Variants in SRSF3 observed in about 807,000 individuals in gnomAD.
The protein encoded by SRSF3 is serine/arginine-rich splicing factor 3.
For synonymous variants in SRSF3, 87 were observed against 73.6 expected, an observed-to-expected ratio of 1.18 and a Z score of -0.93; for missense variants, 58 against 217.1, an observed-to-expected ratio of 0.27 and a Z score of 4.61.
At chr6:36,599,813 C>T (rs766028663) in intron 3 of SRSF3, 4 of 1,351,452 alleles carry the variant, frequency 3.0e-6, no homozygotes, top group South Asian at 1.1e-5. Context: ...AAATGAACCC[C>T]GTTACAGAGT....
rs1171369861 is a variant in SRSF3, at chr6:36,602,534, T to C, written c.*545T>C. The C allele has an allele frequency of 4.6e-6, 1 of 218,984 alleles. No individual in the cohort carries two copies. The highest frequency in any genetic ancestry group is 9.2e-6 in the Non-Finnish European group (1 of 109,258). The allele number at this position is 218,984 out of a possible 1,614,324, so 13.6% of individuals were successfully genotyped here. A position where few individuals can be genotyped will look rare whatever the true frequency, so the allele number is the denominator to read the frequency against. On this transcript the variant is annotated 3_prime_UTR_variant, in exon 6 of 6. Coordinates refer to ENST00000373715, the MANE Select transcript of SRSF3 (RefSeq NM_003017.5). ...AGGTTGCCTAGTTGGTATAGAATGT[T>C]AAGTTTCAAGAAAGTTTACCTTTGC...
Position 36,602,813 on chromosome 6 carries a change from C to CA in SRSF3, c.*827dup, listed in dbSNP as rs1318078251. On this transcript the variant is annotated 3_prime_UTR_variant, in exon 6 of 6. Transcript: ENST00000373715. The stretch of plus-strand genomic sequence containing the variant: ...GAAAGCCTGTTTTTCCTTGCAAACT[C>CA]AAATCTGTGAGCTTGGTACCAAGTC... 1 of 208,522 alleles carries CA rather than the reference C, an allele frequency of 4.8e-6. No individual in the cohort carries two copies. The highest frequency in any genetic ancestry group is 2.3e-5 in the African/African-American group (1 of 43,972). 12.9% of individuals were successfully genotyped at this position (208,522 alleles called of 1,614,324 possible). A position where few individuals can be genotyped will look rare whatever the true frequency, so the allele number is the denominator to read the frequency against.
chr6:36,597,803 C>CTT (rs377627108), intron 2 of SRSF3, among the ~76,000 whole-genome samples: 3,302 of 131,210 alleles, frequency 0.025, 71 homozygotes, highest in African/African-American at 0.071. Context: ...GAATAATGGT[C>CTT]TTTTTTTTTT....
At position 36,603,894 on chromosome 6, in the gene SRSF3, A is replaced by C; in HGVS notation, c.*1905A>C. 1 of 230,768 alleles carries C rather than the reference A, an allele frequency of 4.3e-6. No homozygotes were observed. Among genetic ancestry groups the C allele is most frequent in the East Asian group, 6.2e-5 (1 of 16,182 alleles). 14.3% of individuals were successfully genotyped at this position (230,768 alleles called of 1,614,324 possible). ...CTTAAGTTGGAAGGGTTTCTGTAAA[A>C]AGGACAGTTACGGGTATAATATGGC... is the stretch of plus-strand genomic sequence containing the variant. On this transcript the variant is annotated 3_prime_UTR_variant, in exon 6 of 6. Coordinates refer to ENST00000373715, the MANE Select transcript of SRSF3 (RefSeq NM_003017.5).
rs1778754745 is a variant in SRSF3 at position 36,603,561 on chromosome 6, C to A, written c.*1572C>A. On this transcript the variant is annotated 3_prime_UTR_variant, in exon 6 of 6. Coordinates refer to ENST00000373715, the MANE Select transcript of SRSF3 (RefSeq NM_003017.5). ...TAAATGGATACATTAAGATACAGTT[C>A]CTAAACAAATTATTTATTTCCACCT... The A allele has an allele frequency of 4.4e-6, 1 of 227,914 alleles. No homozygotes were observed. Among genetic ancestry groups the A allele is most frequent in the Non-Finnish European group, 8.7e-6 (1 of 114,570 alleles). The allele number at this position is 227,914 out of a possible 1,614,324, so 14.1% of individuals were successfully genotyped here.
chr6:36,605,137 A>G lies in SRSF3; in HGVS notation c.*3148A>G, dbSNP rs1050311126. On this transcript the variant is annotated 3_prime_UTR_variant, in exon 6 of 6. Transcript: ENST00000373715. ...TCATCCTGTTTTATTAGGGGGATTC[A>G]TCGGGTACCTGAAGATAATTCAGCT... The G allele has an allele frequency of 6.6e-6, 1 of 152,198 alleles. No homozygotes were observed. Among genetic ancestry groups the G allele is most frequent in the Non-Finnish European group, 1.5e-5 (1 of 68,044 alleles). 9.4% of individuals were successfully genotyped at this position (152,198 alleles called of 1,614,324 possible).
At chr6:36,597,187 C>T (rs1778644868) in intron 2 of SRSF3, 4 of 559,176 alleles carry the variant, frequency 7.2e-6, no homozygotes, top group Non-Finnish European at 1.3e-5. Context: ...CTCCCCGCAA[C>T]CTCGGCCTCC....
chr6:36,600,645 TA>T, intron 3 of SRSF3: 1 of 153,146 alleles, frequency 6.5e-6, no homozygotes, highest in East Asian at 1.9e-4. Flanking sequence ...AACACACTCT[TA>T]AATGTGACGA....
intron 1 of SRSF3, among the ~76,000 whole-genome samples, chr6:36,596,042 A>G (rs1176184956): frequency 6.6e-6 from 1 of 152,006 alleles, no homozygotes; most frequent in Non-Finnish European, 1.5e-5. Context: ...GTTCTGCCTC[A>G]GCCTCCCGAG....
rs749115810 is a variant in SRSF3 at position 36,601,997 on chromosome 6, T to C, written c.*8T>C. The C allele has an allele frequency of 3.8e-6, 6 of 1,585,428 alleles. No individual in the cohort carries two copies. The South Asian group carries it at 7.1e-5, about 19-fold the overall frequency. On this transcript the variant is annotated 3_prime_UTR_variant, in exon 6 of 6. Coordinates refer to ENST00000373715, the MANE Select transcript of SRSF3 (RefSeq NM_003017.5). Reference sequence around the variant, plus strand: ...TCAAATGAAAGGAAATAGAAGACAGTTTGCAAGAGAAGTGGTGTACAGGAA... The same window carrying C: ...TCAAATGAAAGGAAATAGAAGACAGCTTGCAAGAGAAGTGGTGTACAGGAA...
rs141950237 is a variant in SRSF3, at chr6:36,599,735, C to G, written c.341+752C>G. On this transcript the variant is annotated intron_variant, in intron 3 of 5. Transcript: ENST00000373715. ...CATCATAATAAAGAGTATTTGTTAG[C>G]TAATAGATGGTTGTACTGATGGCTT... 2.4e-4 allele frequency: 247 copies of G among 1,025,510 alleles called. No individual in the cohort carries two copies. The African/African-American group carries it at 3.6e-3, about 15-fold the overall frequency. The allele number at this position is 1,025,510 out of a possible 1,614,324, so 63.5% of individuals were successfully genotyped here.
intron 3 of SRSF3, 62 bp downstream of exon 3, chr6:36,599,045 A>AT: frequency 2.5e-6 from 4 of 1,569,524 alleles, no homozygotes; most frequent in Non-Finnish European, 2.6e-6. Context: ...AGGAGCAGGT[A>AT]TTTCTCTTAA....
intron 1 of SRSF3, among the ~76,000 whole-genome samples, 187 bp from the exon 2 acceptor site, chr6:36,596,574 C>CGGGGGGGGGGGGGGGGGGGGGGGGGGG (rs34650091): frequency 6.5e-5 from 6 of 91,962 alleles, no homozygotes; most frequent in East Asian, 4.3e-4. Context: ...GGCGGGGTGG[C>CGGGGGGGGGGGGGGGGGGGGGGGGGGG]GGGGGGGGGG....
chr6:36,601,930 G>GTTTTTTT, intron 5 of SRSF3, 32 bp from the exon 6 acceptor site: 1 of 1,473,604 alleles, frequency 6.8e-7, no homozygotes, highest in Non-Finnish European at 8.9e-7. Flanking sequence ...CAGATGTAAT[G>GTTTTTTT]TTTTGTTTTC....
chr6:36,599,822 G>A, intron 3 of SRSF3: 1 of 1,351,926 alleles, frequency 7.4e-7, no homozygotes, highest in Non-Finnish European at 9.8e-7. Context: ...CCGTTACAGA[G>A]TCACCATCAT....
rs187877636 is a variant in SRSF3, at chr6:36,603,701, G to A, written c.*1712G>A. The A allele has an allele frequency of 1.5e-4, 34 of 230,474 alleles. No individual in the cohort carries two copies. In the East Asian group the frequency reaches 2.0e-3, roughly 14 times the overall value. 14.3% of individuals were successfully genotyped at this position (230,474 alleles called of 1,614,324 possible). On this transcript the variant is annotated 3_prime_UTR_variant, in exon 6 of 6. Transcript: ENST00000373715. ...TATTTACTGAGAGCTCTGGCATTGG[G>A]CATTTTGTCTTTAGTATTCTCACAT...
In SRSF3 at chr6:36,604,740, A is replaced by T. The variant is rs1197092018; in HGVS notation, c.*2751A>T. On this transcript the variant is annotated 3_prime_UTR_variant, in exon 6 of 6. Coordinates refer to ENST00000373715, the MANE Select transcript of SRSF3 (RefSeq NM_003017.5). Reference sequence around the variant, plus strand: ...TGCTGCCTAATTAGAAATTTTGTTGAAGAGGTATTTCAGAATAGATACAGC... The same window carrying T: ...TGCTGCCTAATTAGAAATTTTGTTGTAGAGGTATTTCAGAATAGATACAGC... The T allele has an allele frequency of 6.5e-6, 1 of 152,820 alleles. No homozygotes were observed. Among genetic ancestry groups the T allele is most frequent in the Non-Finnish European group, 1.5e-5 (1 of 68,440 alleles). The allele number at this position is 152,820 out of a possible 1,614,324, so 9.5% of individuals were successfully genotyped here.
intron 2 of SRSF3, 187 bp from the exon 3 acceptor site, chr6:36,598,662 G>A (rs534851845): frequency 2.9e-5 from 18 of 625,278 alleles, no homozygotes; most frequent in East Asian, 5.9e-5. Context: ...GATTACAGGC[G>A]TGTACCACCG....
At chr6:36,597,181 C>A (rs969330091) in intron 2 of SRSF3, 1 of 570,156 alleles carries the variant, frequency 1.8e-6, no homozygotes, top group African/African-American at 1.9e-5. Flanking sequence ...CTCCCGCTCC[C>A]CGCAACCTCG....
Sources: gnomAD v4.1 joint callset for allele counts (sites outside exome capture counted in the v4.1 genomes callset) on GRCh38, gnomAD v4.1.1 for gene constraint, MANE v1.5 for transcripts, NCBI Gene and HGNC (gene_info 2026-07-23, HGNC 2026-07-21) for gene names.